Variants in AFF4 observed in about 807,000 individuals in gnomAD.
The protein encoded by AFF4 is AF4/FMR2 family member 4.
A neutral mutation model predicts 124.8 loss-of-function variants in AFF4; 13 were observed. That is an observed-to-expected ratio of 0.10 (90% CI 0.07 to 0.17). The LOEUF is 0.17. AFF4 is among the 10% of genes least tolerant of loss of function. The pLI is 1.00. For synonymous variants in AFF4, 477 were observed against 496.1 expected, an observed-to-expected ratio of 0.96 and a Z score of 0.51; for missense variants, 1,092 against 1,403.8, an observed-to-expected ratio of 0.78 and a Z score of 3.55.
At chr5:132,927,737 C>A (rs1761211510) in intron 4 of AFF4, among the ~76,000 whole-genome samples, 1 of 152,112 alleles carries the variant, frequency 6.6e-6, no homozygotes, top group African/African-American at 2.4e-5. Context: ...AAATAATGAA[C>A]ATTATATTTC....
At chr5:132,924,082 C>T (rs1158853998) in intron 5 of AFF4, among the ~76,000 whole-genome samples, 5 of 151,778 alleles carry the variant, frequency 3.3e-5, no homozygotes, top group African/African-American at 1.2e-4. Flanking sequence ...GATGAAACCC[C>T]GTCTCTACTA....
chr5:132,903,832 T>C (rs939149037), intron 6 of AFF4: 1 of 152,276 alleles, frequency 6.6e-6, no homozygotes, highest in Non-Finnish European at 1.5e-5. Flanking sequence ...GCCCATCAAA[T>C]TGTATTCATG....
At chr5:132,951,531 C>G (rs868316338) in intron 1 of AFF4, among the ~76,000 whole-genome samples, 1 of 152,110 alleles carries the variant, frequency 6.6e-6, no homozygotes, top group Non-Finnish European at 1.5e-5. Context: ...AATTTCTTTT[C>G]TTTTTCTTTT....
At chr5:132,919,269 T>C (rs1386974663) in intron 5 of AFF4, among the ~76,000 whole-genome samples, 2 of 152,206 alleles carry the variant, frequency 1.3e-5, no homozygotes, top group Non-Finnish European at 2.9e-5. Flanking sequence ...ATTTACATTG[T>C]AGTGACTTTA....
chr5:132,893,954 T>C (rs1261339242), intron 11 of AFF4, among the ~76,000 whole-genome samples: 2 of 152,206 alleles, frequency 1.3e-5, no homozygotes, highest in Admixed American at 6.5e-5. Flanking sequence ...TGTGGCTCCT[T>C]TCATTTAGTG....
intron 11 of AFF4, among the ~76,000 whole-genome samples, chr5:132,893,519 GTTAT>G (rs988267970): frequency 2.4e-4 from 37 of 152,026 alleles, no homozygotes; most frequent in Admixed American, 1.1e-3. Context: ...TATTTATTTA[GTTAT>G]TTATTTATTT....
At chr5:132,921,799 C>T (rs531206500) in intron 5 of AFF4, among the ~76,000 whole-genome samples, 17 of 151,882 alleles carry the variant, frequency 1.1e-4, no homozygotes, top group African/African-American at 3.9e-4. Flanking sequence ...CTTTCCCCCC[C>T]AGAGAGAGTC....
At chr5:132,895,017 A>AT (rs1347601678) in intron 11 of AFF4, among the ~76,000 whole-genome samples, 1 of 152,184 alleles carries the variant, frequency 6.6e-6, no homozygotes, top group Non-Finnish European at 1.5e-5. Context: ...CAAAAGGACC[A>AT]TTTTTTAAAA....
At chr5:132,927,097 G>A (rs762309892) in intron 5 of AFF4, 24 bp downstream of exon 5, 3 of 1,594,076 alleles carry the variant, frequency 1.9e-6, no homozygotes, top group Non-Finnish European at 2.6e-6. Flanking sequence ...CTTACATTAT[G>A]AAAGATACAT....
At chr5:132,936,000 GCTCAGGCCTGTAATCCCAGCA>G (rs1158045241) in intron 2 of AFF4, among the ~76,000 whole-genome samples, 5 of 151,900 alleles carry the variant, frequency 3.3e-5, no homozygotes, top group African/African-American at 1.2e-4. Context: ...GGGCACAGTG[GCTCAGGCCTGTAATCCCAGCA>G]CTTTGGGAGG....
chr5:132,922,018 CAA>C (rs1761060019), intron 5 of AFF4, among the ~76,000 whole-genome samples: 1 of 152,064 alleles, frequency 6.6e-6, no homozygotes, highest in African/African-American at 2.4e-5. Context: ...CTCCTGGACT[CAA>C]GTGATCCTCC....
chr5:132,918,437 G>A (rs534555595), intron 5 of AFF4, among the ~76,000 whole-genome samples: 1 of 152,230 alleles, frequency 6.6e-6, no homozygotes, highest in African/African-American at 2.4e-5. Flanking sequence ...CGAGGCAGGT[G>A]GATCAGTTGA....
intron 5 of AFF4, among the ~76,000 whole-genome samples, chr5:132,918,302 A>G (rs980592021): frequency 1.3e-5 from 2 of 152,086 alleles, no homozygotes; most frequent in African/African-American, 4.8e-5. Context: ...CTGAGGCTAC[A>G]GTGAGCCAAG....
chr5:132,923,813 GACCCAGTATTT>G (rs1554076321), intron 5 of AFF4, among the ~76,000 whole-genome samples: 1 of 152,118 alleles, frequency 6.6e-6, no homozygotes, highest in Non-Finnish European at 1.5e-5. Flanking sequence ...TTTACTATGT[GACCCAGTATTT>G]ACCCAGGATA....
intron 1 of AFF4, among the ~76,000 whole-genome samples, chr5:132,940,581 A>G (rs1761544912): frequency 6.6e-6 from 1 of 152,214 alleles, no homozygotes; most frequent in Non-Finnish European, 1.5e-5. Context: ...ATCATTCAAG[A>G]AGTATTTCTA....
At chr5:132,902,387 C>T (rs998625017) in intron 7 of AFF4, 55 bp downstream of exon 7, 2 of 1,379,572 alleles carry the variant, frequency 1.4e-6, no homozygotes, top group Admixed American at 1.7e-5. Flanking sequence ...CTAGATATTA[C>T]AGGTAACTTT....
intron 5 of AFF4, among the ~76,000 whole-genome samples, chr5:132,904,785 C>G (rs996260945): frequency 6.6e-6 from 1 of 152,078 alleles, no homozygotes; most frequent in Non-Finnish European, 1.5e-5. Flanking sequence ...TAACCTTTAT[C>G]CATTAGAAGT....
At chr5:132,962,781 G>A (rs560124880) in intron 1 of AFF4, among the ~76,000 whole-genome samples, 2 of 149,818 alleles carry the variant, frequency 1.3e-5, no homozygotes, top group East Asian at 3.9e-4. Flanking sequence ...CCCTTCGCAA[G>A]TCGAAGGCGG....
intron 1 of AFF4, among the ~76,000 whole-genome samples, chr5:132,938,370 C>T (rs973149519): frequency 6.6e-6 from 1 of 151,444 alleles, no homozygotes; most frequent in Non-Finnish European, 1.5e-5. Flanking sequence ...CGGGTTCAAG[C>T]GATTCTCCTA....
Sources: gnomAD v4.1 joint callset for allele counts (sites outside exome capture counted in the v4.1 genomes callset) on GRCh38, gnomAD v4.1.1 for gene constraint, MANE v1.5 for transcripts, NCBI Gene and HGNC (gene_info 2026-07-23, HGNC 2026-07-21) for gene names.